SETD2: variants seen among roughly 807,000 people sequenced by gnomAD.
The protein encoded by SETD2 is SET domain containing 2, histone lysine methyltransferase.
In SETD2, 31 loss-of-function variants were observed where a neutral mutation model predicts 242.1. The observed-to-expected ratio is 0.13, with a 90% CI of 0.10 to 0.17. The LOEUF (loss-of-function observed/expected upper bound fraction) is 0.17. SETD2 is among the 10% of genes least tolerant of loss of function. SETD2 has a pLI of 1.00. For synonymous variants in SETD2, 1,006 were observed against 1,066.5 expected (o/e 0.94, Z 1.11); for missense variants, 2,481 against 3,046.3 (o/e 0.81, Z 4.37).
rs753767436 is a variant in SETD2 at position 47,124,502 on chromosome 3, A to T, written c.134T>A (p.Met45Lys). The change falls in exon 3 of 21, where the codon ATG becomes AAG. Residue 45 changes from methionine to lysine, a missense_variant. Coordinates refer to ENST00000409792, the MANE Select transcript of SETD2 (RefSeq NM_014159.7). Reference protein sequence around the residue: ...VQKTGFIKGPMFKGVASSRFL... With the variant: ...VQKTGFIKGPKFKGVASSRFL... ...TCGACTAGAAGCAACACCTTTGAAC[A>T]TTGGTCCTTTGATGAAACCTGTTTT... 1.3e-6 allele frequency: 2 copies of T among 1,549,408 alleles called. No homozygotes were observed. The highest frequency in any genetic ancestry group is 1.2e-5 in the South Asian group (1 of 83,782).
intron 12 of SETD2, among the ~76,000 whole-genome samples, chr3:47,072,780 C>A (rs1480524763): frequency 7.4e-5 from 8 of 108,482 alleles, no homozygotes; most frequent in Non-Finnish European, 2.3e-5. Flanking sequence ...CCTGTCTCTA[C>A]TAAAAAAATA....
At chr3:47,089,881 A>C (rs2041722711) in intron 9 of SETD2, among the ~76,000 whole-genome samples, 2 of 152,190 alleles carry the variant, frequency 1.3e-5, no homozygotes, top group South Asian at 4.1e-4. Flanking sequence ...GAAAATAAGA[A>C]ATCATGACAG....
intron 1 of SETD2, among the ~76,000 whole-genome samples, chr3:47,150,062 G>A (rs1402794166): frequency 2.5e-5 from 3 of 121,174 alleles, no homozygotes; most frequent in Non-Finnish European, 4.8e-5. Flanking sequence ...ACAGAGTCTC[G>A]CTCTGTTGCC....
At chr3:47,137,602 G>C (rs915881343) in intron 1 of SETD2, among the ~76,000 whole-genome samples, 20 of 152,042 alleles carry the variant, frequency 1.3e-4, no homozygotes, top group African/African-American at 4.3e-4. Context: ...ACAGAGATTT[G>C]GTTTTATCTT....
At position 47,121,906 on chromosome 3, in the gene SETD2, T is replaced by C. The variant is rs377041426; in HGVS notation, c.2730A>G (p.Ala910=). Residue 910 remains alanine, a synonymous_variant, in exon 3 of 21, where the codon GCA becomes GCG. Coordinates refer to ENST00000409792, the MANE Select transcript of SETD2 (RefSeq NM_014159.7). ...CTGAACTTTTTTTACTCTTTAGCAC[T>C]GCATCCAGAACTGGAGATGTGTTCT... ...CGENTSPVLD[A]VLKSKKSSEF... is the part of the protein sequence containing the mutation. 1.9e-4 allele frequency: 305 copies of C among 1,613,898 alleles called. No homozygotes were observed. Among genetic ancestry groups the C allele is most frequent in the Admixed American group, 5.0e-4 (30 of 60,008 alleles).
At position 47,164,020 on chromosome 3, in the gene SETD2, CGGCGGCGGCGGCGGCGGCGGCGGCAGG is replaced by C. The variant is rs1697593789; in HGVS notation, c.-123_-97del. 1.9e-5 allele frequency: 3 copies of C among 159,114 alleles called. No homozygotes were observed. The highest frequency in any genetic ancestry group is 5.4e-4 in the South Asian group (2 of 3,702). 9.9% of individuals were successfully genotyped at this position (159,114 alleles called of 1,614,324 possible). On this transcript the variant is annotated 5_prime_UTR_variant, in exon 1 of 21. Coordinates refer to ENST00000409792, the MANE Select transcript of SETD2 (RefSeq NM_014159.7). The surrounding 1 kb of genome is among the most constrained non-coding windows in gnomAD (Gnocchi z 5.4). ...GAGGCCGCAGGTCCGACCGCGGCGG[CGGCGGCGGCGGCGGCGGCGGCGGCAGG>C]GGCGGCCCGCGTCGCTACCTCGCTC...
At chr3:47,153,358 CT>C (rs1217391046) in intron 1 of SETD2, among the ~76,000 whole-genome samples, 2 of 152,148 alleles carry the variant, frequency 1.3e-5, no homozygotes, top group African/African-American at 4.8e-5. Flanking sequence ...CTTCCAAATA[CT>C]GTATAAGTCC....
At chr3:47,081,032 G>A in intron 12 of SETD2, 1 of 986,950 alleles carries the variant, frequency 1.0e-6, no homozygotes. Flanking sequence ...TTGAGAAAAG[G>A]AGACACATGG....
intron 15 of SETD2, among the ~76,000 whole-genome samples, chr3:47,056,228 G>A (rs1238880444): frequency 1.3e-5 from 2 of 151,336 alleles, no homozygotes; most frequent in Non-Finnish European, 2.9e-5. Context: ...GGGTTCAAGC[G>A]ATTCTCCTGC....
chr3:47,076,107 G>A (rs2041062313), intron 12 of SETD2, among the ~76,000 whole-genome samples: 1 of 152,246 alleles, frequency 6.6e-6, no homozygotes, highest in Non-Finnish European at 1.5e-5. Context: ...GATGTTGTGA[G>A]AGCCTATACA....
At chr3:47,019,350 A>T (rs1486616809) in intron 19 of SETD2, among the ~76,000 whole-genome samples, 1 of 152,202 alleles carries the variant, frequency 6.6e-6, no homozygotes, top group Non-Finnish European at 1.5e-5. Context: ...TGTTGTGGGG[A>T]CAAAATGAGT....
intron 18 of SETD2, among the ~76,000 whole-genome samples, chr3:47,022,017 C>T (rs547896113): frequency 3.3e-5 from 5 of 151,530 alleles, no homozygotes; most frequent in East Asian, 2.0e-4. Context: ...CGTGGTGGCG[C>T]GTGCCTGTAG....
intron 5 of SETD2, among the ~76,000 whole-genome samples, chr3:47,109,054 A>G (rs778900732): frequency 3.9e-5 from 6 of 152,110 alleles, no homozygotes; most frequent in Non-Finnish European, 7.4e-5. Context: ...CACTTCATTG[A>G]ACTCCTTCTC....
chr3:47,142,509 A>G (rs1289298748), intron 1 of SETD2, among the ~76,000 whole-genome samples: 1 of 152,026 alleles, frequency 6.6e-6, no homozygotes, highest in Non-Finnish European at 1.5e-5. Flanking sequence ...AATCTAAGTT[A>G]ATTAATTAAT....
In SETD2 at chr3:47,017,560, T is replaced by C. The variant is rs566691365; in HGVS notation, c.7533+78A>G. ...ACAAGAAAAAAAAAAATACTTTCTA[T>C]GATGAAAAGGGCTTCTTAGAAGGTA... On this transcript the variant is annotated intron_variant, in intron 20 of 20. Coordinates refer to ENST00000409792, the MANE Select transcript of SETD2 (RefSeq NM_014159.7). The surrounding 1 kb of genome is among the most constrained non-coding windows in gnomAD (Gnocchi z 4.8). The C allele has an allele frequency of 6.5e-6, 7 of 1,075,134 alleles. No homozygotes were observed. The highest frequency in any genetic ancestry group is 1.6e-5 in the African/African-American group (1 of 63,400). The allele number at this position is 1,075,134 out of a possible 1,614,324, so 66.6% of individuals were successfully genotyped here.
At chr3:47,029,050 A>G in intron 18 of SETD2, 1 of 178,024 alleles carries the variant, frequency 5.6e-6, no homozygotes, top group Non-Finnish European at 1.1e-5. Flanking sequence ...ACTATCAAAC[A>G]CCCCCAAACT....
chr3:47,026,090 A>C (rs1414719980), intron 18 of SETD2, among the ~76,000 whole-genome samples: 1 of 152,222 alleles, frequency 6.6e-6, no homozygotes, highest in African/African-American at 2.4e-5. Context: ...ATCTACAAAG[A>C]ACTTAAACAA....
chr3:47,018,943 G>A (rs552202027), intron 19 of SETD2, among the ~76,000 whole-genome samples: 3 of 152,164 alleles, frequency 2.0e-5, no homozygotes, highest in Admixed American at 6.5e-5. Flanking sequence ...TGATTCAAGC[G>A]CCCTTCCTGA....
rs573954456 is a variant in SETD2 at position 47,068,493 on chromosome 3, C to CT, written c.6061-1376dup. Among the ~76,000 whole-genome samples the CT allele has an allele frequency of 8.9e-3, 971 of 108,688 alleles. 18 individuals are homozygous for CT. Among genetic ancestry groups the CT allele is most frequent in the Middle Eastern group, 0.014 (3 of 216 alleles). 71.3% of individuals were successfully genotyped at this position (108,688 alleles called of 152,430 possible). A position where few individuals can be genotyped will look rare whatever the true frequency, so the allele number is the denominator to read the frequency against. ...ATGCTGAACATTTCAAATACACTAT[C>CT]TTTTTTTTTTTTTTTTTTTTTGAGA... On this transcript the variant is annotated intron_variant, in intron 12 of 20. Coordinates refer to ENST00000409792, the MANE Select transcript of SETD2 (RefSeq NM_014159.7).
Sources: gnomAD v4.1 joint callset for allele counts (sites outside exome capture counted in the v4.1 genomes callset) on GRCh38, gnomAD v4.1.1 for gene constraint, Gnocchi (gnomAD v3.1) non-coding constraint, MANE v1.5 for transcripts, NCBI Gene and HGNC (gene_info 2026-07-23, HGNC 2026-07-21) for gene names.